The following UBE2E2 variants were observed in gnomAD, a reference collection of about 807,000 sequenced individuals.
UBE2E2 encodes the protein ubiquitin-conjugating enzyme E2 E2.
A neutral mutation model predicts 24.7 loss-of-function variants in UBE2E2; 6 were observed. The ratio of observed to expected loss-of-function variants is 0.24; its 90% CI spans 0.13 to 0.48. The LOEUF (loss-of-function observed/expected upper bound fraction) is 0.48. Ranked by LOEUF, UBE2E2 falls within the 20% of genes least tolerant of loss-of-function variation. UBE2E2 has a pLI of 0.99. For synonymous variants in UBE2E2, 104 were observed against 83.6 expected, an observed-to-expected ratio of 1.24 and a Z score of -1.33; for missense variants, 169 against 245.0, an observed-to-expected ratio of 0.69 and a Z score of 2.07.
chr3:23,581,327 T>C (rs560567794), intron 5 of UBE2E2, among the ~76,000 whole-genome samples: 14 of 152,252 alleles, frequency 9.2e-5, no homozygotes, highest in African/African-American at 3.1e-4. Context: ...CTGAAAGTCA[T>C]TTATTATGGT....
At chr3:23,528,925 T>C (rs141704633) in intron 4 of UBE2E2, among the ~76,000 whole-genome samples, 1 of 152,340 alleles carries the variant, frequency 6.6e-6, no homozygotes, top group African/African-American at 2.4e-5. Context: ...TTTATCTGCC[T>C]ATTCTACCAC....
At chr3:23,348,995 C>G (rs1031960035) in intron 3 of UBE2E2, among the ~76,000 whole-genome samples, 2 of 152,244 alleles carry the variant, frequency 1.3e-5, no homozygotes, top group Non-Finnish European at 1.5e-5. Flanking sequence ...TGACCACCCC[C>G]CCACCACCTC....
intron 5 of UBE2E2, among the ~76,000 whole-genome samples, chr3:23,562,518 G>C (rs1174610620): frequency 2.6e-5 from 4 of 152,150 alleles, no homozygotes; most frequent in African/African-American, 9.7e-5. Context: ...AGGGATATTG[G>C]TCTAAAATTC....
chr3:23,590,011 C>G lies in UBE2E2; in HGVS notation c.*180C>G, dbSNP rs1696725254. 3 of 536,058 alleles carry G rather than the reference C, an allele frequency of 5.6e-6. No homozygotes were observed. In the South Asian group the frequency reaches 9.6e-5, roughly 17 times the overall value. The allele number at this position is 536,058 out of a possible 1,614,324, so 33.2% of individuals were successfully genotyped here. A position where few individuals can be genotyped will look rare whatever the true frequency, so the allele number is the denominator to read the frequency against. ...CAGTTCTTCCTGCCCCCCTTCCTCT[C>G]TCCCACGCTCTCTTTTATCTCTCAT... is the stretch of plus-strand genomic sequence containing the variant. On this transcript the variant is annotated 3_prime_UTR_variant, in exon 6 of 6. Coordinates refer to ENST00000396703, the MANE Select transcript of UBE2E2 (RefSeq NM_152653.4).
chr3:23,306,509 T>A (rs1699240395), intron 3 of UBE2E2, among the ~76,000 whole-genome samples: 1 of 152,204 alleles, frequency 6.6e-6, no homozygotes, highest in South Asian at 2.1e-4. Context: ...GACAAAAATA[T>A]TCTGGTTCAA....
At position 23,496,778 on chromosome 3, in the gene UBE2E2, TGGGAGTATA is replaced by T. The variant is rs1231157689; in HGVS notation, c.228-2828_228-2820del. On this transcript the variant is annotated intron_variant, in intron 3 of 5. Coordinates refer to ENST00000396703, the MANE Select transcript of UBE2E2 (RefSeq NM_152653.4). ...TAAAAGTTTCTCTGTAGTGTATACCTGGGAGTATAGTTGCTATGTTGTAAAATAGGTGTA... is the reference window on the plus strand; with the variant it reads ...TAAAAGTTTCTCTGTAGTGTATACCTGTTGCTATGTTGTAAAATAGGTGTA... Among the ~76,000 whole-genome samples the T allele has an allele frequency of 9.2e-5, 14 of 152,304 alleles. No individual in the cohort carries two copies. In the East Asian group the frequency reaches 2.5e-3, roughly 27 times the overall value.
At chr3:23,445,080 C>T (rs1415789453) in intron 3 of UBE2E2, among the ~76,000 whole-genome samples, 1 of 152,112 alleles carries the variant, frequency 6.6e-6, no homozygotes, top group Non-Finnish European at 1.5e-5. Context: ...GAGTGGTTGT[C>T]ATCAGTCTCT....
In UBE2E2 at chr3:23,523,389, CTT is replaced by C. The variant is rs1313335826; in HGVS notation, c.361-9160_361-9159del. Among the ~76,000 whole-genome samples, 4 of 152,242 alleles carry C rather than the reference CTT, an allele frequency of 2.6e-5. No individual in the cohort carries two copies. In the South Asian group the frequency reaches 8.3e-4, roughly 32 times the overall value. On this transcript the variant is annotated intron_variant, in intron 4 of 5. Transcript: ENST00000396703. ...ATACATAAAAGGAAACTGAGAAAGA[CTT>C]TTTTCAATTTAAATGTCTGTGGCAT...
intron 5 of UBE2E2, among the ~76,000 whole-genome samples, chr3:23,567,341 G>A (rs927632399): frequency 6.6e-6 from 1 of 152,172 alleles, no homozygotes; most frequent in African/African-American, 2.4e-5. Context: ...TCGTCAGGTG[G>A]TAGAACATGT....
chr3:23,374,878 TCTGTCTCAGGCTC>T (rs1696482995), intron 3 of UBE2E2, among the ~76,000 whole-genome samples: 1 of 152,168 alleles, frequency 6.6e-6, no homozygotes, highest in African/African-American at 2.4e-5. Context: ...ATGCAATCCT[TCTGTCTCAGGCTC>T]CCAAGTAACT....
chr3:23,256,653 T>G (rs1040575487), intron 3 of UBE2E2, among the ~76,000 whole-genome samples: 7 of 144,534 alleles, frequency 4.8e-5, no homozygotes, highest in Non-Finnish European at 9.3e-5. Context: ...TTTTCATAAT[T>G]CTTAAGACTA....
chr3:23,437,132 A>G (rs938240780), intron 3 of UBE2E2, among the ~76,000 whole-genome samples: 3 of 152,136 alleles, frequency 2.0e-5, no homozygotes, highest in African/African-American at 7.2e-5. Context: ...GACTCTGGCC[A>G]CGTTGGCCTT....
At position 23,474,086 on chromosome 3, in the gene UBE2E2, G is replaced by A. The variant is rs114003450; in HGVS notation, c.228-25522G>A. 0.029 allele frequency among the ~76,000 whole-genome samples: 4,413 copies of A among 151,624 alleles called. 116 individuals carry two copies. The highest frequency in any genetic ancestry group is 0.13 in the East Asian group (666 of 5,166). On this transcript the variant is annotated intron_variant, in intron 3 of 5. Transcript: ENST00000396703. The surrounding 1 kb of genome is among the most constrained non-coding windows in gnomAD (Gnocchi z 4.0). ...TATATATATTTTTTTATTTTTTTGC[G>A]GGAGTAAGATGGTATCGCATTGTGG...
At chr3:23,457,985 T>G (rs1698718064) in intron 3 of UBE2E2, among the ~76,000 whole-genome samples, 1 of 152,190 alleles carries the variant, frequency 6.6e-6, no homozygotes, top group Non-Finnish European at 1.5e-5. Flanking sequence ...TTTCTTATCA[T>G]TCATGTGTTC....
At chr3:23,299,343 T>C (rs1297304886) in intron 3 of UBE2E2, among the ~76,000 whole-genome samples, 1 of 152,238 alleles carries the variant, frequency 6.6e-6, no homozygotes, top group Non-Finnish European at 1.5e-5. Context: ...ATGTGTTTGC[T>C]CTTGCTTCTC....
chr3:23,304,441 T>A (rs1392682164), intron 3 of UBE2E2, among the ~76,000 whole-genome samples: 2 of 152,158 alleles, frequency 1.3e-5, no homozygotes, highest in Admixed American at 1.3e-4. Flanking sequence ...GTTTAAAATA[T>A]TACTAAACTC....
At chr3:23,283,245 T>C (rs1698528655) in intron 3 of UBE2E2, among the ~76,000 whole-genome samples, 2 of 152,046 alleles carry the variant, frequency 1.3e-5, no homozygotes, top group Admixed American at 1.3e-4. Flanking sequence ...ATTTGGAACT[T>C]GGTGACTCTA....
rs532821206 is a variant in UBE2E2, at chr3:23,338,918, A to G, written c.227+121606A>G. Among the ~76,000 whole-genome samples, 4 of 152,356 alleles carry G rather than the reference A, an allele frequency of 2.6e-5. No individual in the cohort carries two copies. The South Asian group carries it at 8.3e-4, about 32-fold the overall frequency. On this transcript the variant is annotated intron_variant, in intron 3 of 5. Transcript: ENST00000396703. ...AGTAATAATTGTTTTAGGTGAGAACAGTTAGTGGACAATGTAAGATGGTTA... is the reference window on the plus strand; with the variant it reads ...AGTAATAATTGTTTTAGGTGAGAACGGTTAGTGGACAATGTAAGATGGTTA...
rs976416663 is a variant in UBE2E2 at position 23,398,740 on chromosome 3, C to T, written c.228-100868C>T. 1.1e-4 allele frequency among the ~76,000 whole-genome samples: 16 copies of T among 152,096 alleles called. 2 individuals carry two copies. Among genetic ancestry groups the T allele is most frequent in the Non-Finnish European group, 2.1e-4 (14 of 68,006 alleles). On this transcript the variant is annotated intron_variant, in intron 3 of 5. Coordinates refer to ENST00000396703, the MANE Select transcript of UBE2E2 (RefSeq NM_152653.4). ...CTCTGCCTGGAAATTTCAAGAAATT[C>T]GGAAGACAGGGTTTTATAGCAGTGC...
Sources: allele counts gnomAD v4.1 joint callset (sites outside exome capture counted in the v4.1 genomes callset), GRCh38; gene constraint gnomAD v4.1.1; non-coding constraint Gnocchi (gnomAD v3.1); transcripts MANE v1.5; gene names NCBI Gene and HGNC (gene_info 2026-07-23, HGNC 2026-07-21).